The following GABRA2 variants were observed in gnomAD, a reference collection of about 807,000 sequenced individuals.
The protein encoded by GABRA2 is gamma-aminobutyric acid type A receptor subunit alpha2, also known as gamma-aminobutyric acid receptor subunit alpha-2.
A neutral mutation model predicts 48.7 loss-of-function variants in GABRA2; 16 were observed. That is an observed-to-expected ratio of 0.33 (90% CI 0.22 to 0.50). GABRA2 has a LOEUF of 0.50. Ranked by LOEUF, GABRA2 falls within the 20% of genes least tolerant of loss-of-function variation. The pLI is 0.98. For synonymous variants in GABRA2, 185 were observed against 184.5 expected, an observed-to-expected ratio of 1.00 and a Z score of -0.02; for missense variants, 275 against 535.6, an observed-to-expected ratio of 0.51 and a Z score of 4.80.
intron 3 of GABRA2, among the ~76,000 whole-genome samples, chr4:46,334,276 C>A (rs1731842525): frequency 6.6e-6 from 1 of 151,942 alleles, no homozygotes; most frequent in Non-Finnish European, 1.5e-5. Flanking sequence ...CTGTATTTTT[C>A]ATTTTGGACT....
intron 9 of GABRA2, chr4:46,256,378 C>T: frequency 1.7e-6 from 1 of 598,442 alleles, no homozygotes; most frequent in East Asian, 2.9e-5. Context: ...AAGGGGACTA[C>T]AAGAAACATC....
At chr4:46,336,473 G>A (rs892664509) in intron 3 of GABRA2, among the ~76,000 whole-genome samples, 6 of 152,082 alleles carry the variant, frequency 3.9e-5, no homozygotes, top group African/African-American at 9.7e-5. Context: ...CTAAATAATG[G>A]TTTACCATTA....
intron 3 of GABRA2, among the ~76,000 whole-genome samples, chr4:46,369,256 T>A (rs138428126): frequency 6.6e-6 from 1 of 152,144 alleles, no homozygotes; most frequent in Admixed American, 6.6e-5. Flanking sequence ...CCGAATTTCA[T>A]TGAGCTACTG....
rs149361479 is a variant in GABRA2, at chr4:46,356,602, A to C, written c.188-23920T>G. Among the ~76,000 whole-genome samples the C allele has an allele frequency of 4.6e-3, 699 of 152,296 alleles. 6 individuals carry two copies. Among genetic ancestry groups the C allele is most frequent in the African/African-American group, 0.016 (675 of 41,566 alleles). ...CATATAAAAATCACTTCTGAGATTC[A>C]CATGAAGCCTGGGTCTGCAGACGTT... is the stretch of plus-strand genomic sequence containing the variant. On this transcript the variant is annotated intron_variant, in intron 3 of 9. Coordinates refer to ENST00000381620, the MANE Select transcript of GABRA2 (RefSeq NM_000807.4).
chr4:46,252,347 A>G (rs1714943379), intron 9 of GABRA2, among the ~76,000 whole-genome samples: 1 of 151,520 alleles, frequency 6.6e-6, no homozygotes, highest in South Asian at 2.1e-4. Flanking sequence ...ATAATGTCTA[A>G]GTGAAAAACT....
intron 9 of GABRA2, chr4:46,261,124 A>C (rs1716885308): frequency 1.3e-5 from 2 of 152,052 alleles, no homozygotes; most frequent in Admixed American, 6.6e-5. Flanking sequence ...CCTCTTAGGC[A>C]GATACATAAT....
intron 4 of GABRA2, among the ~76,000 whole-genome samples, chr4:46,317,885 T>C (rs905972854): frequency 2.6e-5 from 4 of 151,814 alleles, no homozygotes; most frequent in Admixed American, 1.3e-4. Context: ...CATGTTGTAA[T>C]TTAAAATACT....
At chr4:46,294,650 T>C (rs1326973716) in intron 8 of GABRA2, among the ~76,000 whole-genome samples, 3 of 152,202 alleles carry the variant, frequency 2.0e-5, no homozygotes, top group African/African-American at 7.2e-5. Context: ...ATACGGATGC[T>C]GTTTGGAGCC....
At chr4:46,360,114 A>G (rs1298641684) in intron 3 of GABRA2, among the ~76,000 whole-genome samples, 1 of 152,190 alleles carries the variant, frequency 6.6e-6, no homozygotes, top group East Asian at 1.9e-4. Flanking sequence ...AAATAATATT[A>G]AAGTCAGCAT....
chr4:46,308,906 C>T (rs1262558209), intron 6 of GABRA2, among the ~76,000 whole-genome samples: 2 of 151,598 alleles, frequency 1.3e-5, no homozygotes, highest in Non-Finnish European at 2.9e-5. Flanking sequence ...ATGATTACAT[C>T]TTGAATTAAT....
intron 3 of GABRA2, among the ~76,000 whole-genome samples, chr4:46,346,226 T>C (rs1213460262): frequency 2.6e-5 from 4 of 151,950 alleles, no homozygotes; most frequent in African/African-American, 2.4e-5. Flanking sequence ...GTTAAAAACA[T>C]TAAATTAGAT....
chr4:46,340,238 T>G lies in GABRA2; in HGVS notation c.188-7556A>C, dbSNP rs866682521. 5.3e-5 allele frequency among the ~76,000 whole-genome samples: 8 copies of G among 152,050 alleles called. No individual in the cohort carries two copies. The South Asian group carries it at 8.3e-4, about 16-fold the overall frequency. On this transcript the variant is annotated intron_variant, in intron 3 of 9. Coordinates refer to ENST00000381620, the MANE Select transcript of GABRA2 (RefSeq NM_000807.4). ...AACAGATTTATTCAGATATAATTTA[T>G]GTAATATAAAATACACCCTTCTAAA...
intron 3 of GABRA2, among the ~76,000 whole-genome samples, chr4:46,360,055 CTA>C (rs564806710): frequency 8.2e-4 from 125 of 152,150 alleles, no homozygotes; most frequent in Non-Finnish European, 1.5e-3. Flanking sequence ...AGCAATGAAA[CTA>C]TATTAATTCC....
At chr4:46,352,456 C>A (rs1735283530) in intron 3 of GABRA2, among the ~76,000 whole-genome samples, 1 of 151,972 alleles carries the variant, frequency 6.6e-6, no homozygotes, top group Admixed American at 6.6e-5. Flanking sequence ...ATAATGTCTG[C>A]TTCTTCTCTC....
chr4:46,347,600 G>C (rs978600055), intron 3 of GABRA2, among the ~76,000 whole-genome samples: 1 of 151,832 alleles, frequency 6.6e-6, no homozygotes, highest in African/African-American at 2.4e-5. Context: ...ACCCACAATT[G>C]ATTAAAGACT....
intron 7 of GABRA2, among the ~76,000 whole-genome samples, chr4:46,305,122 A>G (rs978820392): frequency 2.6e-5 from 4 of 151,638 alleles, no homozygotes; most frequent in Admixed American, 2.6e-4. Context: ...CCAAATGTCT[A>G]AAAAGCTGGA....
chr4:46,279,548 G>T (rs1721122214), intron 8 of GABRA2, among the ~76,000 whole-genome samples: 1 of 151,612 alleles, frequency 6.6e-6, no homozygotes, highest in African/African-American at 2.4e-5. Context: ...TCCATATAAA[G>T]AGTTATATTA....
intron 2 of GABRA2, among the ~76,000 whole-genome samples, chr4:46,387,599 A>T (rs1247198002): frequency 6.6e-6 from 1 of 152,148 alleles, no homozygotes; most frequent in Non-Finnish European, 1.5e-5. Flanking sequence ...ATAAAGTTCC[A>T]CATATTTTCA....
At chr4:46,314,563 C>T (rs558555109) in intron 4 of GABRA2, among the ~76,000 whole-genome samples, 1 of 152,052 alleles carries the variant, frequency 6.6e-6, no homozygotes, top group South Asian at 2.1e-4. Flanking sequence ...TTGTGTCATG[C>T]TGAAGTTTGG....
Sources: allele counts gnomAD v4.1 joint callset (sites outside exome capture counted in the v4.1 genomes callset), GRCh38; gene constraint gnomAD v4.1.1; transcripts MANE v1.5; gene names NCBI Gene and HGNC (gene_info 2026-07-23, HGNC 2026-07-21).